Variants in APOB observed in about 807,000 individuals in gnomAD.
APOB encodes the protein apolipoprotein B.
APOB carries 153 observed loss-of-function variants against 314.1 expected under a neutral mutation model. The ratio of observed to expected loss-of-function variants is 0.49; its 90% confidence interval spans 0.43 to 0.56. The LOEUF is 0.56. Ranked by LOEUF, APOB falls within the 20% of genes least tolerant of loss-of-function variation. The pLI is 0.00. For missense variants in APOB, 5,430 were observed against 5,350.7 expected (o/e 1.01, Z -0.46); for synonymous variants, 2,087 against 2,036.4 (o/e 1.02, Z -0.67).
chr2:21,038,039 G>A lies in APOB; in HGVS notation c.456C>T (p.Tyr152=), dbSNP rs1572802183. ...TGATGCCCCTCTTGATGTTCAGGAT[G>A]TAAGTAGGTTCATCTTTCTCCGGGT... The part of the protein sequence containing the change: ...FLYPEKDEPT[Y]ILNIKRGIIS... Residue 152 remains tyrosine (Y), a synonymous_variant, in exon 5 of 29, where the codon TAC becomes TAT. Coordinates refer to ENST00000233242, the MANE Select transcript of APOB (RefSeq NM_000384.3). The A allele has an allele frequency of 6.2e-7, 1 of 1,614,206 alleles. No homozygotes were observed. Among genetic ancestry groups the A allele is most frequent in the Non-Finnish European group, 8.5e-7 (1 of 1,180,028 alleles).
intron 19 of APOB, 39 bp downstream of exon 19, chr2:21,019,684 G>A (rs763374149): frequency 2.5e-6 from 4 of 1,600,944 alleles, no homozygotes; most frequent in South Asian, 2.2e-5. Flanking sequence ...TGATGTGGAA[G>A]GTGAGAAAAT....
rs776875782 is a variant in APOB at position 21,003,300 on chromosome 2, G to C, written c.12122C>G (p.Thr4041Ser). The C allele has an allele frequency of 3.1e-6, 5 of 1,613,242 alleles. No individual in the cohort carries two copies. Among genetic ancestry groups the C allele is most frequent in the East Asian group, 4.5e-5 (2 of 44,846 alleles). ...ATCAGATTCCCGGACCCTCAACTCA[G>C]TTTTGAATATGGTGAGTTTTTTATC... The part of the protein sequence containing the change: ...SPDKKLTIFK[T>S]ELRVRESDEE... The change falls in exon 29 of 29, where the codon ACT (threonine) becomes AGT (serine). Residue 4041 changes from threonine (T) to serine (S), a missense_variant. By Grantham distance (58) the Thr-to-Ser change is moderately conservative (BLOSUM62 1). Coordinates refer to ENST00000233242, the MANE Select transcript of APOB (RefSeq NM_000384.3).
intron 4 of APOB, among the ~76,000 whole-genome samples, chr2:21,040,022 C>T (rs954648873): frequency 1.3e-5 from 2 of 152,142 alleles, no homozygotes; most frequent in Non-Finnish European, 2.9e-5. Flanking sequence ...GTGGGAGGGA[C>T]CCGGGGGGAG....
At position 21,043,917 on chromosome 2, in the gene APOB, G is replaced by A. The variant is rs910952630; in HGVS notation, c.29C>T (p.Ala10Val). 2.8e-6 allele frequency: 4 copies of A among 1,411,786 alleles called. 1 individual carries two copies. The South Asian group carries it at 4.4e-5, about 15-fold the overall frequency. The allele number at this position is 1,411,786 out of a possible 1,614,324, so 87.5% of individuals were successfully genotyped here. A position where few individuals can be genotyped will look rare whatever the true frequency, so the allele number is the denominator to read the frequency against. MDPPRPALL[A>V]LLALPALLLL... ...CAGCAGCGCAGGCAGCGCCAGCAGC[G>A]CCAGCAGCGCGGGCCTCGGCGGGTC... is the stretch of plus-strand genomic sequence containing the variant. The change falls in exon 1 of 29, where the codon GCG becomes GTG. Residue 10 changes from alanine (A) to valine (V), a missense_variant. This residue lies in a region of APOB where 2,085 missense variants were observed against 2,079.7 expected (regional missense o/e 1.00). Coordinates refer to ENST00000233242, the MANE Select transcript of APOB (RefSeq NM_000384.3).
chr2:21,009,076 G>T lies in APOB; in HGVS notation c.7792C>A (p.Pro2598Thr), dbSNP rs1370988843. The T allele has an allele frequency of 6.2e-7, 1 of 1,614,054 alleles. No homozygotes were observed. The highest frequency in any genetic ancestry group is 8.5e-7 in the Non-Finnish European group (1 of 1,179,948). Residue 2598 changes from proline (P) to threonine (T), a missense_variant, in exon 26 of 29, where the codon CCT becomes ACT. Physicochemically the swap from Pro to Thr is conservative, Grantham distance 38 (BLOSUM62 -1). Transcript: ENST00000233242. Reference protein sequence around the residue: ...PEIKTILGTMPAFEVSLQALQ... With the variant: ...PEIKTILGTMTAFEVSLQALQ... ...GCCTGAAGACTGACTTCAAAGGCAGGCATGGTCCCAAGGATGGTCTTGATT... is the reference window on the plus strand; with the variant it reads ...GCCTGAAGACTGACTTCAAAGGCAGTCATGGTCCCAAGGATGGTCTTGATT...
chr2:21,005,460 G>A lies in APOB; in HGVS notation c.11408C>T (p.Pro3803Leu). ...EVDVLTKYSQ[P>L]EDSLIPFFEI... Reference sequence around the variant, plus strand: ...AAAAAAGGGAATCAAGGAGTCTTCTGGTTGAGAATATTTTGTTAACACATC... The same window carrying A: ...AAAAAAGGGAATCAAGGAGTCTTCTAGTTGAGAATATTTTGTTAACACATC... Residue 3803 changes from proline to leucine, a missense_variant, in exon 26 of 29, where the codon CCA becomes CTA. By Grantham distance (98) the Pro-to-Leu change is moderately conservative. This residue lies in a region of APOB where 3,281 missense variants were observed against 3,171.0 expected (regional missense o/e 1.03). Transcript: ENST00000233242. 6.2e-7 allele frequency: 1 copy of A among 1,614,050 alleles called. No homozygotes were observed. The highest frequency in any genetic ancestry group is 1.1e-5 in the South Asian group (1 of 91,078).
At chr2:21,036,136 G>A (rs1322933355) in intron 6 of APOB, among the ~76,000 whole-genome samples, 4 of 152,100 alleles carry the variant, frequency 2.6e-5, no homozygotes, top group Admixed American at 2.6e-4. Flanking sequence ...TCCTGGTCAG[G>A]CCCAGGACTT....
intron 14 of APOB, among the ~76,000 whole-genome samples, chr2:21,027,604 C>T (rs1255121312): frequency 1.3e-5 from 2 of 152,110 alleles, no homozygotes; most frequent in East Asian, 1.9e-4. Flanking sequence ...TGAGCCACCT[C>T]GCCAGGCCTG....
At chr2:21,017,228 AT>A (rs1433856377) in intron 20 of APOB, among the ~76,000 whole-genome samples, 3 of 151,930 alleles carry the variant, frequency 2.0e-5, no homozygotes, top group African/African-American at 7.2e-5. Flanking sequence ...GTCTTTATGG[AT>A]TGCCTGTTAT....
chr2:21,009,936 T>C lies in APOB; in HGVS notation c.6932A>G (p.Asn2311Ser). 1 of 1,613,790 alleles carries C rather than the reference T, an allele frequency of 6.2e-7. No individual in the cohort carries two copies. The highest frequency in any genetic ancestry group is 1.3e-5 in the African/African-American group (1 of 75,048). The change falls in exon 26 of 29, where the codon AAT (asparagine) becomes AGT (serine). Residue 2311 changes from asparagine (N) to serine (S), a missense_variant. This residue lies in a region of APOB where 3,281 missense variants were observed against 3,171.0 expected (regional missense o/e 1.03). Coordinates refer to ENST00000233242, the MANE Select transcript of APOB (RefSeq NM_000384.3). ...GTGTTTGACATGCTCAAGAATGTCA[T>C]TTATTCTTTCAAATGAAATTGTAGT... ...LGTTISFERI[N>S]DILEHVKHFV...
intron 20 of APOB, among the ~76,000 whole-genome samples, chr2:21,017,712 C>G (rs1396361255): frequency 6.6e-6 from 1 of 152,166 alleles, no homozygotes; most frequent in Non-Finnish European, 1.5e-5. Flanking sequence ...CTCCCCAACT[C>G]CCCCTTTCTT....
Position 21,016,542 on chromosome 2 carries a change from G to A in APOB, c.3229C>T (p.Leu1077Phe), listed in dbSNP as rs766623445. 5.0e-6 allele frequency: 8 copies of A among 1,605,138 alleles called. No homozygotes were observed. Among genetic ancestry groups the A allele is most frequent in the Non-Finnish European group, 6.0e-6 (7 of 1,171,880 alleles). Residue 1077 changes from leucine to phenylalanine, a missense_variant, in exon 21 of 29, where the codon CTC becomes TTC. Leu to Phe is a conservative substitution (Grantham distance 22). Around this residue, in one of 3 missense-constraint regions of APOB, gnomAD observed 2,085 missense variants for 2,079.7 expected, o/e 1.00. Coordinates refer to ENST00000233242, the MANE Select transcript of APOB (RefSeq NM_000384.3). ...TCAGTAGATTCATCATTAACTCTGA[G>A]GATTGTTCCGAGGTCAACATCAAAA... ...PDFDVDLGTI[L>F]RVNDESTEGK...
rs368321279 is a variant in APOB at position 21,038,095 on chromosome 2, C to A, written c.400G>T (p.Ala134Ser). The stretch of plus-strand genomic sequence containing the variant: ...AAAACCTGCTTCCCTTCTGGAATGG[C>A]CAGCTTGAGCTCATACCTGTCCCAG... ...AAMSRYELKL[A>S]IPEGKQVFLY... is the part of the protein sequence containing the mutation. Residue 134 changes from alanine (A) to serine (S), a missense_variant, in exon 5 of 29, where the codon GCC becomes TCC. By Grantham distance (99) the Ala-to-Ser change is moderately conservative. Coordinates refer to ENST00000233242, the MANE Select transcript of APOB (RefSeq NM_000384.3). The A allele has an allele frequency of 2.8e-4, 447 of 1,613,920 alleles. 1 individual carries two copies. Among genetic ancestry groups the A allele is most frequent in the Middle Eastern group, 6.7e-4 (4 of 5,992 alleles).
chr2:21,044,038 A>G lies in APOB; in HGVS notation c.-93T>C. Reference sequence around the variant, plus strand: ...GCGGGCTCCTCAGCGGCAGCAACCGAGAAGGGCACTCAGCCCCGCAGGTCC... The same window carrying G: ...GCGGGCTCCTCAGCGGCAGCAACCGGGAAGGGCACTCAGCCCCGCAGGTCC... On this transcript the variant is annotated 5_prime_UTR_variant, in exon 1 of 29. Transcript: ENST00000233242. 3.6e-6 allele frequency: 2 copies of G among 551,116 alleles called. No homozygotes were observed. Among genetic ancestry groups the G allele is most frequent in the Non-Finnish European group, 5.3e-6 (2 of 377,764 alleles). 34.1% of individuals were successfully genotyped at this position (551,116 alleles called of 1,614,324 possible). A position where few individuals can be genotyped will look rare whatever the true frequency, so the allele number is the denominator to read the frequency against.
intron 8 of APOB, 116 bp downstream of exon 8, chr2:21,034,700 A>G (rs1663957340): frequency 1.3e-6 from 1 of 768,334 alleles, no homozygotes; most frequent in Admixed American, 1.7e-5. Flanking sequence ...CCAGAACACC[A>G]GTGTCTGTAT....
chr2:21,011,533 A>T lies in APOB; in HGVS notation c.5335T>A (p.Phe1779Ile). 1 of 1,614,064 alleles carries T rather than the reference A, an allele frequency of 6.2e-7. No individual in the cohort carries two copies. Among genetic ancestry groups the T allele is most frequent in the Admixed American group, 1.7e-5 (1 of 60,016 alleles). ...KLDNIYSSDK[F>I]YKQTVNLQLQ... ...TGTAAATTAACAGTTTGCTTATAAA[A>T]CTTGTCAGAGCTGTAAATGTTGTCA... The change falls in exon 26 of 29, where the codon TTT becomes ATT. Residue 1779 changes from phenylalanine to isoleucine, a missense_variant. This residue lies in a region of APOB where 64 missense variants were observed against 99.9 expected (regional missense o/e 0.64). Transcript: ENST00000233242.
intron 8 of APOB, among the ~76,000 whole-genome samples, chr2:21,033,761 G>A (rs1486503647): frequency 6.6e-6 from 1 of 152,182 alleles, no homozygotes; most frequent in Non-Finnish European, 1.5e-5. Context: ...CCCTGCTTCT[G>A]AGACCCACAG....
Position 21,005,816 on chromosome 2 carries a change from T to C in APOB, c.11052A>G (p.Leu3684=). The change falls in exon 26 of 29, where the codon TTA becomes TTG. Residue 3684 remains leucine, a synonymous_variant. Coordinates refer to ENST00000233242, the MANE Select transcript of APOB (RefSeq NM_000384.3). ...TTACATCCAGCTTTAGGAAATCCCA[T>C]AAGCTCTTGTCATAGACTGGTAGGA... ...NIILPVYDKS[L]WDFLKLDVTT... 3 of 1,614,044 alleles carry C rather than the reference T, an allele frequency of 1.9e-6. No individual in the cohort carries two copies. The highest frequency in any genetic ancestry group is 2.5e-6 in the Non-Finnish European group (3 of 1,179,944).
rs1282766946 is a variant in APOB at position 21,009,363 on chromosome 2, G to A, written c.7505C>T (p.Ser2502Leu). ...GGCCTTCATGTGAGCCAAAGATGCT[G>A]AACTTAAAGCCTCCTGTAACCAATT... is the stretch of plus-strand genomic sequence containing the variant. ...IINWLQEALS[S>L]ASLAHMKAKF... Residue 2502 changes from serine to leucine, a missense_variant, in exon 26 of 29, where the codon TCA becomes TTA. By Grantham distance (145) the Ser-to-Leu change is moderately radical. Transcript: ENST00000233242. 3 of 1,613,968 alleles carry A rather than the reference G, an allele frequency of 1.9e-6. No individual in the cohort carries two copies. The highest frequency in any genetic ancestry group is 2.5e-6 in the Non-Finnish European group (3 of 1,179,982).
Sources: gnomAD v4.1 joint callset for allele counts (sites outside exome capture counted in the v4.1 genomes callset) on GRCh38, gnomAD v4.1.1 for gene constraint, gnomAD v4.1.1 regional missense constraint, MANE v1.5 for transcripts, NCBI Gene and HGNC (gene_info 2026-07-23, HGNC 2026-07-21) for gene names.